The following PIGW variants were observed in gnomAD, a reference collection of about 807,000 sequenced individuals.
PIGW encodes the protein glucosaminyl-phosphatidylinositol-acyltransferase PIGW.
A neutral mutation model predicts 34.0 loss-of-function variants in PIGW; 23 were observed. The ratio of observed to expected loss-of-function variants is 0.68; its 90% CI spans 0.49 to 0.96. The LOEUF (loss-of-function observed/expected upper bound fraction) is 0.96, where lower values mean the gene tolerates loss of function less well. PIGW is among the 40% of genes least tolerant of loss of function. The probability of loss-of-function intolerance (pLI) is 0.00; values close to 1 mark genes in which losing one functional copy is unlikely to be tolerated. For missense variants in PIGW, 574 were observed against 586.3 expected (o/e 0.98, Z 0.22); for synonymous variants, 225 against 225.2 (o/e 1.00, Z 0.01).
Position 36,537,607 on chromosome 17 carries a change from T to C in PIGW, c.506T>C (p.Phe169Ser). ...TELYGTGAMD[F>S]GVGGFVFGSA... ...CTCTATGGGACAGGAGCAATGGATT[T>C]TGGAGTAGGTGGCTTTGTTTTTGGG... Residue 169 changes from phenylalanine to serine, a missense_variant, in exon 2 of 2, where the codon TTT becomes TCT. Transcript: ENST00000614443. 1 of 1,614,162 alleles carries C rather than the reference T, an allele frequency of 6.2e-7. No homozygotes were observed. The highest frequency in any genetic ancestry group is 1.1e-5 in the South Asian group (1 of 91,076).
In PIGW at chr17:36,538,067, A is replaced by G. The variant is rs754169928; in HGVS notation, c.966A>G (p.Thr322=). 9.9e-6 allele frequency: 16 copies of G among 1,614,092 alleles called. No homozygotes were observed. Among genetic ancestry groups the G allele is most frequent in the Admixed American group, 3.3e-5 (2 of 60,010 alleles). Residue 322 remains threonine, a synonymous_variant, in exon 2 of 2, where the codon ACA becomes ACG. Coordinates refer to ENST00000614443, the MANE Select transcript of PIGW (RefSeq NM_001346754.2). ...YVAIHMAGVQ[T]GLYMHKNRSH... is the part of the protein sequence containing the mutation. ...CAATACACATGGCTGGTGTGCAAAC[A>G]GGGTTATATATGCATAAGAACCGAT...
In PIGW at chr17:36,538,385, C is replaced by T. The variant is rs764343019; in HGVS notation, c.1284C>T (p.Val428=). The change falls in exon 2 of 2, where the codon GTC becomes GTT. Residue 428 remains valine, a synonymous_variant. Transcript: ENST00000614443. ...ATAAAAAGCATTCAGAATCTCTAGT[C>T]CCTGAAGCCGAAAGAATGGAACCCA... The part of the protein sequence containing the change: ...VTNKKHSESL[V]PEAERMEPSL... 4 of 1,614,050 alleles carry T rather than the reference C, an allele frequency of 2.5e-6. No homozygotes were observed. Among genetic ancestry groups the T allele is most frequent in the South Asian group, 2.2e-5 (2 of 91,080 alleles).
Position 36,537,184 on chromosome 17 carries a change from T to G in PIGW, c.83T>G (p.Phe28Cys), listed in dbSNP as rs2074152200. The change falls in exon 2 of 2, where the codon TTT becomes TGT. Residue 28 changes from phenylalanine to cysteine, a missense_variant. By Grantham distance (205) the Phe-to-Cys change is radical (BLOSUM62 -2). Transcript: ENST00000614443. The part of the protein sequence containing the change: ...TVLEITQGLC[F>C]PAFCILCRGF... ...CTGGAAATCACCCAGGGATTGTGCTTTCCTGCATTCTGTATCCTGTGCAGA... is the reference window on the plus strand; with the variant it reads ...CTGGAAATCACCCAGGGATTGTGCTGTCCTGCATTCTGTATCCTGTGCAGA... The G allele has an allele frequency of 1.2e-6, 2 of 1,614,190 alleles. No individual in the cohort carries two copies. The highest frequency in any genetic ancestry group is 1.7e-6 in the Non-Finnish European group (2 of 1,180,014).
rs58812000 is a variant in PIGW at position 36,535,232 on chromosome 17, G to C, written c.-369G>C. Reference sequence around the variant, plus strand: ...CGAGTGCGGCGGAGTGTTGTGCGAGGCCGGCGGACACCATTACCCTGATAG... The same window carrying C: ...CGAGTGCGGCGGAGTGTTGTGCGAGCCCGGCGGACACCATTACCCTGATAG... On this transcript the variant is annotated 5_prime_UTR_variant, in exon 1 of 2. Transcript: ENST00000614443. 6.6e-6 allele frequency: 1 copy of C among 152,044 alleles called. No homozygotes were observed. Among genetic ancestry groups the C allele is most frequent in the African/African-American group, 2.4e-5 (1 of 41,354 alleles). 9.4% of individuals were successfully genotyped at this position (152,044 alleles called of 1,614,324 possible).
At position 36,535,271 on chromosome 17, in the gene PIGW, G is replaced by A. The variant is rs1193307822; in HGVS notation, c.-330G>A. Reference sequence around the variant, plus strand: ...TTACCCTGATAGGGCCTCGCCGTGAGGTCTGAGGGGCCGTGTGAGGTGCAT... The same window carrying A: ...TTACCCTGATAGGGCCTCGCCGTGAAGTCTGAGGGGCCGTGTGAGGTGCAT... On this transcript the variant is annotated 5_prime_UTR_variant, in exon 1 of 2. Coordinates refer to ENST00000614443, the MANE Select transcript of PIGW (RefSeq NM_001346754.2). 6.6e-6 allele frequency: 1 copy of A among 151,172 alleles called. No homozygotes were observed. The highest frequency in any genetic ancestry group is 1.5e-5 in the Non-Finnish European group (1 of 68,028). The allele number at this position is 151,172 out of a possible 1,614,324, so 9.4% of individuals were successfully genotyped here.
In PIGW at chr17:36,538,171, T is replaced by G; in HGVS notation, c.1070T>G (p.Val357Gly). 1 of 1,613,948 alleles carries G rather than the reference T, an allele frequency of 6.2e-7. No homozygotes were observed. The highest frequency in any genetic ancestry group is 2.2e-5 in the East Asian group (1 of 44,890). The change falls in exon 2 of 2, where the codon GTT becomes GGT. Residue 357 changes from valine to glycine, a missense_variant. By Grantham distance (109) the Val-to-Gly change is moderately radical. Transcript: ENST00000614443. Reference sequence around the variant, plus strand: ...AGCCTCTTCATATCTCTTTACGTAGTTCAAGTAAATGTAGAAGCAGTATCT... The same window carrying G: ...AGCCTCTTCATATCTCTTTACGTAGGTCAAGTAAATGTAGAAGCAGTATCT... ...AISLFISLYV[V>G]QVNVEAVSRR...
Position 36,535,080 on chromosome 17 carries a change from A to T in PIGW, c.-521A>T, listed in dbSNP as rs1055601461. 2.0e-5 allele frequency: 3 copies of T among 152,320 alleles called. No homozygotes were observed. Among genetic ancestry groups the T allele is most frequent in the African/African-American group, 7.2e-5 (3 of 41,480 alleles). The allele number at this position is 152,320 out of a possible 1,614,324, so 9.4% of individuals were successfully genotyped here. A position where few individuals can be genotyped will look rare whatever the true frequency, so the allele number is the denominator to read the frequency against. ...GTGAGATGTTTTGCGACCCTGGGGTAAAATGAGGGTAAAGCGGCAGCTTCC... is the reference window on the plus strand; with the variant it reads ...GTGAGATGTTTTGCGACCCTGGGGTTAAATGAGGGTAAAGCGGCAGCTTCC... On this transcript the variant is annotated 5_prime_UTR_variant, in exon 1 of 2. Transcript: ENST00000614443.
rs1345105791 is a variant in PIGW, at chr17:36,535,552, C to A, written c.-49C>A. 2 of 152,242 alleles carry A rather than the reference C, an allele frequency of 1.3e-5. No homozygotes were observed. Among genetic ancestry groups the A allele is most frequent in the African/African-American group, 2.4e-5 (1 of 41,464 alleles). 9.4% of individuals were successfully genotyped at this position (152,242 alleles called of 1,614,324 possible). ...GTGCAGCGGCAGTCCGGCTGCCCTT[C>A]CCACGTAGACCGTCTGCTGGGGGCG... On this transcript the variant is annotated 5_prime_UTR_variant, in exon 1 of 2. Transcript: ENST00000614443.
At chr17:36,536,778 G>T (rs2074142588) in intron 1 of PIGW, among the ~76,000 whole-genome samples, 1 of 152,184 alleles carries the variant, frequency 6.6e-6, no homozygotes, top group African/African-American at 2.4e-5. Flanking sequence ...GCCTCCCGAA[G>T]TGCTAGGATT....
Position 36,537,092 on chromosome 17 carries a change from A to T in PIGW, c.-8-2A>T. 6.4e-7 allele frequency: 1 copy of T among 1,574,150 alleles called. No individual in the cohort carries two copies. Among genetic ancestry groups the T allele is most frequent in the Non-Finnish European group, 8.6e-7 (1 of 1,162,300 alleles). On this transcript the variant is annotated splice_acceptor_variant, in intron 1 of 1. Transcript: ENST00000614443. LOFTEE classifies it low-confidence loss of function (5UTR_SPLICE). ...TCCATTCCTTTGCTCTTGTTTTCAC[A>T]GGAAGAAAAATGTCTGAAAAGCAGA...
intron 1 of PIGW, among the ~76,000 whole-genome samples, chr17:36,536,524 CTTTTT>C (rs10715370): frequency 8.8e-5 from 11 of 125,538 alleles, no homozygotes; most frequent in East Asian, 6.9e-4. Context: ...TTTTCTTTTC[CTTTTT>C]TTTTTTTTTT....
chr17:36,538,121 C>T lies in PIGW; in HGVS notation c.1020C>T (p.Ala340=), dbSNP rs74323480. The part of the protein sequence containing the change: ...RSHIKDLIKV[A]CFLLLAAISL... ...ATATCAAAGACTTGATAAAAGTAGC[C>T]TGTTTTCTTTTACTGGCAGCTATTA... is the stretch of plus-strand genomic sequence containing the variant. Residue 340 remains alanine (A), a synonymous_variant, in exon 2 of 2, where the codon GCC becomes GCT. Coordinates refer to ENST00000614443, the MANE Select transcript of PIGW (RefSeq NM_001346754.2). 1.6e-3 allele frequency: 2,640 copies of T among 1,614,162 alleles called. 50 individuals carry two copies. The African/African-American group carries it at 0.032, about 19-fold the overall frequency.
Position 36,537,397 on chromosome 17 carries a change from G to C in PIGW, c.296G>C (p.Arg99Pro), listed in dbSNP as rs769619152. Residue 99 changes from arginine to proline, a missense_variant, in exon 2 of 2, where the codon CGA becomes CCA. Arg to Pro is a moderately radical substitution (Grantham distance 103). Coordinates refer to ENST00000614443, the MANE Select transcript of PIGW (RefSeq NM_001346754.2). Reference sequence around the variant, plus strand: ...GCAGGGCTGTTGTATCAAATATACCGAAGGAGGACCTGCTATGCCAGACTG... The same window carrying C: ...GCAGGGCTGTTGTATCAAATATACCCAAGGAGGACCTGCTATGCCAGACTG... ...FGAGLLYQIY[R>P]RRTCYARLPF... 6.2e-7 allele frequency: 1 copy of C among 1,613,964 alleles called. No homozygotes were observed. Among genetic ancestry groups the C allele is most frequent in the Non-Finnish European group, 8.5e-7 (1 of 1,180,020 alleles).
At position 36,535,188 on chromosome 17, in the gene PIGW, G is replaced by T. The variant is rs1474284865; in HGVS notation, c.-413G>T. 2 of 145,472 alleles carry T rather than the reference G, an allele frequency of 1.4e-5. No homozygotes were observed. Among genetic ancestry groups the T allele is most frequent in the Non-Finnish European group, 3.0e-5 (2 of 67,548 alleles). 9.0% of individuals were successfully genotyped at this position (145,472 alleles called of 1,614,324 possible). A position where few individuals can be genotyped will look rare whatever the true frequency, so the allele number is the denominator to read the frequency against. ...GACTGGGGGTCTTTCAGTAGAGGTC[G>T]CCGCGGCGGAGTCTTGTGCGAGTGC... On this transcript the variant is annotated 5_prime_UTR_variant, in exon 1 of 2. Transcript: ENST00000614443.
In PIGW at chr17:36,537,376, G is replaced by C; in HGVS notation, c.275G>C (p.Gly92Ala). 1.2e-6 allele frequency: 2 copies of C among 1,613,552 alleles called. No homozygotes were observed. The highest frequency in any genetic ancestry group is 2.2e-5 in the South Asian group (2 of 91,048). ...ELLGVIIFGA[G>A]LLYQIYRRRT... ...CTCGGTGTAATTATCTTTGGGGCAG[G>C]GCTGTTGTATCAAATATACCGAAGG... The change falls in exon 2 of 2, where the codon GGG (glycine) becomes GCG (alanine). Residue 92 changes from glycine to alanine, a missense_variant. Gly to Ala is a moderately conservative substitution (Grantham distance 60). Transcript: ENST00000614443.
intron 1 of PIGW, 40 bp downstream of exon 1, chr17:36,535,632 G>C (rs1318085215): frequency 1.3e-5 from 2 of 152,252 alleles, no homozygotes; most frequent in Admixed American, 1.3e-4. Context: ...CAGGTCGGGC[G>C]TCTGTTAGGA....
rs1343204246 is a variant in PIGW at position 36,538,427 on chromosome 17, A to G, written c.1326A>G (p.Thr442=). ...ERMEPSLCLI[T]ALNRKQLIFF... ...TGGAACCCAGTCTTTGTTTAATCAC[A>G]GCTCTAAACAGAAAACAGTTAATAT... is the stretch of plus-strand genomic sequence containing the variant. The change falls in exon 2 of 2, where the codon ACA becomes ACG. Residue 442 remains threonine, a synonymous_variant. Transcript: ENST00000614443. 1 of 1,614,042 alleles carries G rather than the reference A, an allele frequency of 6.2e-7. No individual in the cohort carries two copies. The highest frequency in any genetic ancestry group is 8.5e-7 in the Non-Finnish European group (1 of 1,180,018).
rs2074173260 is a variant in PIGW at position 36,538,409 on chromosome 17, C to T, written c.1308C>T (p.Pro436=). The change falls in exon 2 of 2, where the codon CCC becomes CCT. Residue 436 remains proline (P), a synonymous_variant. Transcript: ENST00000614443. ...TCCCTGAAGCCGAAAGAATGGAACC[C>T]AGTCTTTGTTTAATCACAGCTCTAA... ...SLVPEAERME[P]SLCLITALNR... is the part of the protein sequence containing the mutation. 8.1e-6 allele frequency: 13 copies of T among 1,614,130 alleles called. No homozygotes were observed. The highest frequency in any genetic ancestry group is 1.1e-5 in the Non-Finnish European group (13 of 1,180,034).
Position 36,538,366 on chromosome 17 carries a change from A to T in PIGW, c.1265A>T (p.Lys422Met), listed in dbSNP as rs1567809560. 6.2e-7 allele frequency: 1 copy of T among 1,614,196 alleles called. No individual in the cohort carries two copies. Among genetic ancestry groups the T allele is most frequent in the African/African-American group, 1.3e-5 (1 of 75,058 alleles). ...ATCCAGTCACCTGTTACAAATAAAA[A>T]GCATTCAGAATCTCTAGTCCCTGAA... ...KLIQSPVTNK[K>M]HSESLVPEAE... Residue 422 changes from lysine to methionine, a missense_variant, in exon 2 of 2, where the codon AAG (lysine) becomes ATG (methionine). Transcript: ENST00000614443.
Sources: gnomAD v4.1 joint callset for allele counts (sites outside exome capture counted in the v4.1 genomes callset) on GRCh38, gnomAD v4.1.1 for gene constraint, MANE v1.5 for transcripts, NCBI Gene and HGNC (gene_info 2026-07-23, HGNC 2026-07-21) for gene names.